Variants in ZNF69 observed in about 807,000 individuals in gnomAD.
The protein encoded by ZNF69 is ZNF3.
ZNF69 carries 47 observed loss-of-function variants against 50.9 expected under a neutral mutation model. That is an observed-to-expected ratio of 0.92 (90% CI 0.73 to 1.18). The LOEUF (loss-of-function observed/expected upper bound fraction) is 1.18. Ranked by LOEUF, ZNF69 falls within the 50% of genes most tolerant of loss-of-function variation. ZNF69 has a pLI of 0.00. For synonymous variants in ZNF69, 216 were observed against 223.1 expected, an observed-to-expected ratio of 0.97 and a Z score of 0.29; for missense variants, 717 against 675.1, an observed-to-expected ratio of 1.06 and a Z score of -0.69.
intron 1 of ZNF69, among the ~76,000 whole-genome samples, chr19:11,902,624 C>T (rs1338027501): frequency 6.6e-6 from 1 of 150,538 alleles, no homozygotes; most frequent in Non-Finnish European, 1.5e-5. Context: ...TATTCCCCTC[C>T]TCTCTGCTTA....
chr19:11,964,060 G>C, the ZNF69 span, among the ~76,000 whole-genome samples: 1 of 152,250 alleles, frequency 6.6e-6, no homozygotes, highest in Non-Finnish European at 1.5e-5. Flanking sequence ...ATAACCTGCA[G>C]GGGGCAGCAG....
the ZNF69 span, among the ~76,000 whole-genome samples, chr19:11,967,678 C>T: frequency 2.6e-5 from 4 of 152,074 alleles, no homozygotes; most frequent in Non-Finnish European, 5.9e-5. Flanking sequence ...GCTGGGATTA[C>T]AGGCGTGAGC....
chr19:11,954,040 A>G, the ZNF69 span, among the ~76,000 whole-genome samples: 9 of 152,224 alleles, frequency 5.9e-5, no homozygotes, highest in Non-Finnish European at 2.9e-5. Flanking sequence ...TTTTTATAAA[A>G]CAAGGTGAAA....
chr19:11,922,878 T>C, the ZNF69 span, among the ~76,000 whole-genome samples: 1 of 151,476 alleles, frequency 6.6e-6, no homozygotes, highest in African/African-American at 2.4e-5. Flanking sequence ...AGTAACCTGA[T>C]CACAGCTCAC....
intron 3 of ZNF69, 22 bp from the exon 4 acceptor site, chr19:11,904,627 A>T: frequency 6.2e-7 from 1 of 1,605,216 alleles, no homozygotes; most frequent in Non-Finnish European, 8.5e-7. Context: ...ACCCTTTGTA[A>T]TGTGCTTCTC....
the ZNF69 span, among the ~76,000 whole-genome samples, chr19:11,967,655 G>A: frequency 0.13 from 19,222 of 151,926 alleles, 2,242 homozygotes; most frequent in African/African-American, 0.31. Flanking sequence ...CACCCACCTC[G>A]GCCTCCCAAA....
chr19:11,927,188 T>C, the ZNF69 span, among the ~76,000 whole-genome samples: 1 of 151,810 alleles, frequency 6.6e-6, no homozygotes, highest in Non-Finnish European at 1.5e-5. Context: ...CCCCATCTCT[T>C]CCAAAACTAG....
the ZNF69 span, among the ~76,000 whole-genome samples, chr19:11,944,808 C>T: frequency 6.6e-6 from 1 of 152,204 alleles, no homozygotes; most frequent in Non-Finnish European, 1.5e-5. Context: ...GCCACTGTTT[C>T]AGCAAGGGCT....
the ZNF69 span, among the ~76,000 whole-genome samples, chr19:11,937,193 A>T: frequency 6.6e-6 from 1 of 152,206 alleles, no homozygotes; most frequent in Non-Finnish European, 1.5e-5. Flanking sequence ...GTTACGTTCT[A>T]GAAGTTGTGA....
At chr19:11,972,925 C>CAA in the ZNF69 span, among the ~76,000 whole-genome samples, 2 of 130,898 alleles carry the variant, frequency 1.5e-5, no homozygotes, top group African/African-American at 2.7e-5. Context: ...GACCCTGTTT[C>CAA]AAAAAAAAAA....
intron 1 of ZNF69, 72 bp downstream of exon 1, chr19:11,888,058 A>G: frequency 9.4e-6 from 14 of 1,496,466 alleles, no homozygotes; most frequent in Non-Finnish European, 1.2e-5. Flanking sequence ...GACTGTGGCG[A>G]GACCCTGGCT....
At chr19:11,972,220 G>A in the ZNF69 span, among the ~76,000 whole-genome samples, 1 of 152,020 alleles carries the variant, frequency 6.6e-6, no homozygotes, top group African/African-American at 2.4e-5. Flanking sequence ...AGGAGTTTGA[G>A]GCTGCAGTGA....
chr19:11,979,010 C>T, the ZNF69 span: 11 of 1,614,082 alleles, frequency 6.8e-6, no homozygotes, highest in South Asian at 1.2e-4. Flanking sequence ...AAAGGACCCA[C>T]TCTGCGAAAA....
At chr19:11,979,024 C>T in the ZNF69 span, 11 of 1,614,058 alleles carry the variant, frequency 6.8e-6, no homozygotes, top group Non-Finnish European at 9.3e-6. Context: ...GCGAAAAAAC[C>T]TTATGAATGT....
At chr19:11,908,442 T>A (rs1348985892), downstream of ZNF69, among the ~76,000 whole-genome samples, 1 of 152,060 alleles carries the variant, frequency 6.6e-6, no homozygotes, top group Admixed American at 6.5e-5. Flanking sequence ...CCTCAGCAAA[T>A]GTAGAAGAAT....
the ZNF69 span, chr19:11,980,035 T>C: frequency 9.0e-7 from 1 of 1,110,886 alleles, no homozygotes; most frequent in Non-Finnish European, 1.3e-6. Context: ...TTCGATAACA[T>C]GAAAGGACTC....
chr19:11,948,884 T>G, the ZNF69 span: 4,579 of 1,602,966 alleles, frequency 2.9e-3, 138 homozygotes, highest in Admixed American at 0.057. Flanking sequence ...GATAAAGCAT[T>G]TCATAGTTCT....
intron 1 of ZNF69, among the ~76,000 whole-genome samples, chr19:11,898,099 A>T (rs958385450): frequency 3.3e-5 from 5 of 152,128 alleles, no homozygotes; most frequent in Non-Finnish European, 7.3e-5. Flanking sequence ...CAGTATTGGG[A>T]ATAAGATAAC....
downstream of ZNF69, among the ~76,000 whole-genome samples, chr19:11,918,574 C>G (rs925909715): frequency 2.0e-5 from 3 of 152,098 alleles, no homozygotes; most frequent in African/African-American, 4.8e-5. Flanking sequence ...GCATCAAGCT[C>G]CTGGGCTTGA....
Sources: allele counts gnomAD v4.1 joint callset (sites outside exome capture counted in the v4.1 genomes callset), GRCh38; gene constraint gnomAD v4.1.1; transcripts MANE v1.5; gene names NCBI Gene and HGNC (gene_info 2026-07-23, HGNC 2026-07-21).